The following GNG4 variants were observed in gnomAD, a reference collection of about 807,000 sequenced individuals.
GNG4 encodes the protein guanine nucleotide-binding protein G(I)/G(S)/G(O) subunit gamma-4.
Under a neutral mutation model 5.8 loss-of-function variants are expected in GNG4, and 4 were observed. That is an observed-to-expected ratio of 0.69 (90% CI 0.34 to 1.57). The LOEUF is 1.57. Among genes scored for constraint, GNG4 ranks in the 40% most tolerant of loss-of-function variants. GNG4 has a pLI of 0.06. For synonymous variants in GNG4, 29 were observed against 32.9 expected, an observed-to-expected ratio of 0.88 and a Z score of 0.41; for missense variants, 96 against 95.1, an observed-to-expected ratio of 1.01 and a Z score of -0.04.
At chr1:235,595,863 T>A (rs1688110201) in intron 1 of GNG4, among the ~76,000 whole-genome samples, 1 of 152,108 alleles carries the variant, frequency 6.6e-6, no homozygotes, top group African/African-American at 2.4e-5. Flanking sequence ...ACAGGTCACG[T>A]GTTTTCTTCT....
intron 3 of GNG4, among the ~76,000 whole-genome samples, chr1:235,562,315 T>G (rs2102918617): frequency 6.6e-6 from 1 of 152,308 alleles, no homozygotes; most frequent in South Asian, 2.1e-4. Context: ...CATATAAACT[T>G]TAAAATCATT....
At chr1:235,573,472 G>A (rs1462162387) in intron 3 of GNG4, among the ~76,000 whole-genome samples, 2 of 150,052 alleles carry the variant, frequency 1.3e-5, no homozygotes, top group Admixed American at 6.6e-5. Flanking sequence ...CTTAAAGTAT[G>A]ATAAAAAAAA....
rs541573786 is a variant in GNG4, at chr1:235,548,789, C to G, written c.*3320G>C. On this transcript the variant is annotated 3_prime_UTR_variant, in exon 4 of 4. Coordinates refer to ENST00000391854, the MANE Select transcript of GNG4 (RefSeq NM_001098722.2). ...AATGACAACTGTCCCCACAGCTGCA[C>G]TCCACAATGCAAGCAGGCTTTATTC... 1 of 152,382 alleles carries G rather than the reference C, an allele frequency of 6.6e-6. No individual in the cohort carries two copies. Among genetic ancestry groups the G allele is most frequent in the African/African-American group, 2.4e-5 (1 of 41,584 alleles). The allele number at this position is 152,382 out of a possible 1,614,324, so 9.4% of individuals were successfully genotyped here. A position where few individuals can be genotyped will look rare whatever the true frequency, so the allele number is the denominator to read the frequency against.
intron 3 of GNG4, among the ~76,000 whole-genome samples, chr1:235,558,624 T>C (rs1273081568): frequency 6.6e-6 from 1 of 152,168 alleles, no homozygotes; most frequent in African/African-American, 2.4e-5. Context: ...CAAATAGGGG[T>C]TGCAGACAAC....
At chr1:235,594,887 A>G (rs1365354502) in intron 2 of GNG4, among the ~76,000 whole-genome samples, 2 of 152,224 alleles carry the variant, frequency 1.3e-5, no homozygotes, top group Non-Finnish European at 2.9e-5. Context: ...GAGCCCAGGC[A>G]GAGGAGGCGC....
intron 1 of GNG4, among the ~76,000 whole-genome samples, chr1:235,625,545 A>T (rs934171100): frequency 2.0e-5 from 3 of 152,084 alleles, no homozygotes; most frequent in Admixed American, 6.5e-5. Flanking sequence ...TGTCACACAG[A>T]GGAGTTTCCT....
At chr1:235,555,850 A>C (rs972200672) in intron 3 of GNG4, among the ~76,000 whole-genome samples, 1 of 152,098 alleles carries the variant, frequency 6.6e-6, no homozygotes, top group Non-Finnish European at 1.5e-5. Context: ...TTAAAAACAT[A>C]AAATTTACTC....
At chr1:235,634,605 C>T (rs1212024670) in intron 1 of GNG4, among the ~76,000 whole-genome samples, 1 of 152,212 alleles carries the variant, frequency 6.6e-6, no homozygotes, top group African/African-American at 2.4e-5. Flanking sequence ...TTGCTCCCAC[C>T]AGCCTGGCTC....
intron 1 of GNG4, among the ~76,000 whole-genome samples, chr1:235,631,546 C>A (rs192064566): frequency 6.6e-6 from 1 of 150,998 alleles, no homozygotes; most frequent in Non-Finnish European, 1.5e-5. Flanking sequence ...GCATGCCCAG[C>A]GTAGCTTACT....
intron 2 of GNG4, among the ~76,000 whole-genome samples, chr1:235,586,162 T>A (rs970958381): frequency 6.6e-6 from 1 of 152,262 alleles, no homozygotes; most frequent in Non-Finnish European, 1.5e-5. Flanking sequence ...TAGATGTGTG[T>A]CCTTATCTTA....
At chr1:235,628,469 G>A (rs1688865779) in intron 1 of GNG4, among the ~76,000 whole-genome samples, 1 of 152,008 alleles carries the variant, frequency 6.6e-6, no homozygotes, top group African/African-American at 2.4e-5. Flanking sequence ...GCCCTGAAGC[G>A]GAGGAGGTCA....
chr1:235,583,929 T>C (rs1687703777), intron 2 of GNG4, 81 bp from the exon 3 acceptor site: 3 of 782,936 alleles, frequency 3.8e-6, no homozygotes, highest in Non-Finnish European at 6.5e-6. Flanking sequence ...ACCTACAGCT[T>C]CTCTGTCCAA....
chr1:235,630,493 T>C (rs1015513285), intron 1 of GNG4, among the ~76,000 whole-genome samples: 2 of 152,144 alleles, frequency 1.3e-5, no homozygotes, highest in East Asian at 1.9e-4. Flanking sequence ...GCCGGGTGTT[T>C]TGTTTGTCCC....
intron 1 of GNG4, among the ~76,000 whole-genome samples, chr1:235,620,143 C>A (rs1465567230): frequency 6.6e-6 from 1 of 152,166 alleles, no homozygotes; most frequent in African/African-American, 2.4e-5. Flanking sequence ...GTGGGTGGAT[C>A]ACCTGAGGTC....
Position 235,648,234 on chromosome 1 carries a change from CCTAA to C in GNG4, c.-123+1424_-123+1427del, listed in dbSNP as rs1657560611. ...CCATTGTCCTAAATAGTCATTTCAG[CCTAA>C]CTAACCCCATGGTGAGGCTGCTCAT... On this transcript the variant is annotated intron_variant, in intron 1 of 3. Transcript: ENST00000391854. The surrounding 1 kb of genome is among the most constrained non-coding windows in gnomAD (Gnocchi z 5.0). Among the ~76,000 whole-genome samples the C allele has an allele frequency of 6.6e-6, 1 of 152,126 alleles. No homozygotes were observed. Among genetic ancestry groups the C allele is most frequent in the Non-Finnish European group, 1.5e-5 (1 of 68,010 alleles).
In GNG4 at chr1:235,643,632, G is replaced by A. The variant is rs555011539; in HGVS notation, c.-123+6030C>T. On this transcript the variant is annotated intron_variant, in intron 1 of 3. Coordinates refer to ENST00000391854, the MANE Select transcript of GNG4 (RefSeq NM_001098722.2). ...GCAGTCTTCGATGAACACATCGATCGCATCCAGCAGTATGTCTGTATTGGA... is the reference window on the plus strand; with the variant it reads ...GCAGTCTTCGATGAACACATCGATCACATCCAGCAGTATGTCTGTATTGGA... 2.6e-5 allele frequency among the ~76,000 whole-genome samples: 4 copies of A among 152,264 alleles called. No individual in the cohort carries two copies. The South Asian group carries it at 6.2e-4, about 24-fold the overall frequency.
intron 3 of GNG4, among the ~76,000 whole-genome samples, chr1:235,570,927 C>A (rs1193957699): frequency 1.7e-5 from 2 of 118,906 alleles, no homozygotes; most frequent in Non-Finnish European, 3.2e-5. Context: ...TATATATACA[C>A]ACACACACAC....
At chr1:235,563,403 CAAAAAAAAA>C (rs57471662) in intron 3 of GNG4, among the ~76,000 whole-genome samples, 19 of 52,412 alleles carry the variant, frequency 3.6e-4, no homozygotes, top group South Asian at 1.2e-3. Flanking sequence ...GAAACTGTCT[CAAAAAAAAA>C]AAAAAAAAAA....
At chr1:235,608,566 C>T (rs1688411540) in intron 1 of GNG4, among the ~76,000 whole-genome samples, 1 of 152,216 alleles carries the variant, frequency 6.6e-6, no homozygotes, top group Non-Finnish European at 1.5e-5. Flanking sequence ...CAACAGTCTG[C>T]TTTCTGTCTC....
Sources: gnomAD v4.1 joint callset for allele counts (sites outside exome capture counted in the v4.1 genomes callset) on GRCh38, gnomAD v4.1.1 for gene constraint, Gnocchi (gnomAD v3.1) non-coding constraint, MANE v1.5 for transcripts, NCBI Gene and HGNC (gene_info 2026-07-23, HGNC 2026-07-21) for gene names.